The following FNIP1 variants were observed in gnomAD, a reference collection of about 807,000 sequenced individuals.
FNIP1 encodes folliculin interacting protein 1, also known as folliculin-interacting protein 1.
FNIP1 carries 40 observed loss-of-function variants against 124.5 expected under a neutral mutation model. That is an observed-to-expected ratio of 0.32 (90% CI 0.25 to 0.42). The LOEUF (loss-of-function observed/expected upper bound fraction) is 0.42. Among genes scored for constraint, FNIP1 ranks in the 10% least tolerant of loss-of-function variants. FNIP1 has a pLI of 1.00. For missense variants in FNIP1, 1,176 were observed against 1,403.7 expected (o/e 0.84, Z 2.59); for synonymous variants, 472 against 470.6 (o/e 1.00, Z -0.04).
chr5:131,790,845 C>T (rs1443875857), intron 1 of FNIP1, among the ~76,000 whole-genome samples: 1 of 152,104 alleles, frequency 6.6e-6, no homozygotes, highest in Non-Finnish European at 1.5e-5. Flanking sequence ...GAACAGGGAG[C>T]AGTACAGCTT....
chr5:131,790,558 C>T (rs1369657325), intron 1 of FNIP1, among the ~76,000 whole-genome samples: 1 of 150,368 alleles, frequency 6.7e-6, no homozygotes, highest in Non-Finnish European at 1.5e-5. Context: ...CCATACACAA[C>T]CCCTTACGTG....
intron 1 of FNIP1, among the ~76,000 whole-genome samples, chr5:131,781,817 G>A (rs1040549344): frequency 6.6e-6 from 1 of 151,932 alleles, no homozygotes; most frequent in African/African-American, 2.4e-5. Flanking sequence ...TGACTTTCAA[G>A]TCTTACTAAT....
At chr5:131,755,420 T>TAAA (rs544194641) in intron 1 of FNIP1, among the ~76,000 whole-genome samples, 86 of 118,960 alleles carry the variant, frequency 7.2e-4, no homozygotes, top group Middle Eastern at 4.1e-3. Flanking sequence ...GACTCAATCT[T>TAAA]AAAAAAAAAA....
chr5:131,709,621 G>A (rs1025120642), intron 7 of FNIP1, among the ~76,000 whole-genome samples: 1 of 152,134 alleles, frequency 6.6e-6, no homozygotes, highest in Non-Finnish European at 1.5e-5. Flanking sequence ...GGACCAAGTG[G>A]TGGGTATATC....
intron 16 of FNIP1, among the ~76,000 whole-genome samples, chr5:131,651,587 CA>C (rs1452678262): frequency 6.6e-6 from 1 of 152,132 alleles, no homozygotes; most frequent in Non-Finnish European, 1.5e-5. Flanking sequence ...CCACTAATAC[CA>C]TCAGAGCACC....
intron 15 of FNIP1, 103 bp from the exon 16 acceptor site, chr5:131,652,102 A>G (rs1767056559): frequency 3.9e-6 from 4 of 1,030,754 alleles, no homozygotes; most frequent in African/African-American, 3.2e-5. Flanking sequence ...AGAAAAAAAA[A>G]TTAAACTTCA....
At chr5:131,716,213 G>T (rs1022089014) in intron 6 of FNIP1, among the ~76,000 whole-genome samples, 1 of 152,230 alleles carries the variant, frequency 6.6e-6, no homozygotes, top group African/African-American at 2.4e-5. Context: ...GGAAGAAGGT[G>T]TAATAGTCTT....
chr5:131,697,966 C>A (rs1768760661), intron 11 of FNIP1, among the ~76,000 whole-genome samples: 1 of 101,992 alleles, frequency 9.8e-6, no homozygotes, highest in Non-Finnish European at 1.8e-5. Flanking sequence ...AAGACTCCAC[C>A]TCAAAAAAAA....
chr5:131,719,079 A>G lies in FNIP1; in HGVS notation c.456-19T>C. The G allele has an allele frequency of 6.2e-7, 1 of 1,610,024 alleles. No homozygotes were observed. The highest frequency in any genetic ancestry group is 8.5e-7 in the Non-Finnish European group (1 of 1,176,608). On this transcript the variant is annotated intron_variant, in intron 4 of 17. Transcript: ENST00000510461. The stretch of plus-strand genomic sequence containing the variant: ...AGGGGAACTATGAAGAAAAAGAGAA[A>G]GAGAGAGACCAAAACTAAAATATAA...
chr5:131,662,093 C>G (rs1263773510), intron 15 of FNIP1, among the ~76,000 whole-genome samples: 2 of 152,166 alleles, frequency 1.3e-5, no homozygotes, highest in African/African-American at 4.8e-5. Flanking sequence ...TGTCAGGCAC[C>G]CAATCCGAAA....
In FNIP1 at chr5:131,647,416, CT is replaced by C. The variant is rs10625130; in HGVS notation, c.3307-212del. Among the ~76,000 whole-genome samples, 457 of 146,976 alleles carry C rather than the reference CT, an allele frequency of 3.1e-3. 2 individuals are homozygous for C. Among genetic ancestry groups the C allele is most frequent in the Admixed American group, 5.6e-3 (83 of 14,850 alleles). On this transcript the variant is annotated intron_variant, in intron 16 of 17. Coordinates refer to ENST00000510461, the MANE Select transcript of FNIP1 (RefSeq NM_133372.3). ...TATCAAAGATTAGCTTCTACAGCGT[CT>C]TTTTTTTTTTTTAACTGTGCAAAAA...
chr5:131,712,854 TC>T (rs552028534), intron 6 of FNIP1, among the ~76,000 whole-genome samples: 166 of 152,306 alleles, frequency 1.1e-3, no homozygotes, highest in Admixed American at 2.0e-3. Context: ...CCCTGAGTCG[TC>T]CCATTCTGAT....
chr5:131,706,448 G>C lies in FNIP1; in HGVS notation c.877C>G (p.Gln293Glu). ...ACCCCATTTTCCAAACTTGTTGTTT[G>C]GCTGCGTCGCCAACGTCGCTGGTAG... Reference protein sequence around the residue: ...SSYQRRWRRSQTTSLENGVFP... With the variant: ...SSYQRRWRRSETTSLENGVFP... The change falls in exon 9 of 18, where the codon CAA becomes GAA. Residue 293 changes from glutamine to glutamate, a missense_variant. By Grantham distance (29) the Gln-to-Glu change is conservative (BLOSUM62 2). Transcript: ENST00000510461. The C allele has an allele frequency of 6.2e-7, 1 of 1,613,360 alleles. No homozygotes were observed. The highest frequency in any genetic ancestry group is 8.5e-7 in the Non-Finnish European group (1 of 1,179,598).
At chr5:131,684,713 T>C (rs1768212170) in intron 11 of FNIP1, among the ~76,000 whole-genome samples, 1 of 152,172 alleles carries the variant, frequency 6.6e-6, no homozygotes, top group Admixed American at 6.5e-5. Context: ...AAGATCAGTA[T>C]CCTGTTTGGA....
At chr5:131,707,967 T>G (rs593767) in intron 8 of FNIP1, among the ~76,000 whole-genome samples, 118,673 of 151,398 alleles carry the variant, frequency 0.78, 46,733 homozygotes, top group African/African-American at 0.83. Context: ...GAAGCAAAGT[T>G]TATTAAAAGA....
intron 1 of FNIP1, among the ~76,000 whole-genome samples, chr5:131,764,775 T>C (rs867399582): frequency 6.6e-6 from 1 of 152,132 alleles, no homozygotes; most frequent in Non-Finnish European, 1.5e-5. Context: ...CTCAATATTT[T>C]TGTAGAATCG....
intron 15 of FNIP1, among the ~76,000 whole-genome samples, chr5:131,658,294 C>T (rs1204149311): frequency 6.6e-6 from 1 of 152,148 alleles, no homozygotes; most frequent in Non-Finnish European, 1.5e-5. Flanking sequence ...GATACTGAAA[C>T]CGCCTTTGCA....
At chr5:131,737,030 TATTTATAA>T (rs1374081180) in intron 2 of FNIP1, among the ~76,000 whole-genome samples, 2 of 152,238 alleles carry the variant, frequency 1.3e-5, no homozygotes, top group Non-Finnish European at 2.9e-5. Context: ...TTTTCAGTAA[TATTTATAA>T]CTTTTTTTGC....
At chr5:131,794,669 A>G in intron 1 of FNIP1, among the ~76,000 whole-genome samples, 1 of 152,324 alleles carries the variant, frequency 6.6e-6, no homozygotes, top group African/African-American at 2.4e-5. Context: ...GTGGTGGCTC[A>G]TCCCTGTAAG....
Sources: allele counts gnomAD v4.1 joint callset (sites outside exome capture counted in the v4.1 genomes callset), GRCh38; gene constraint gnomAD v4.1.1; transcripts MANE v1.5; gene names NCBI Gene and HGNC (gene_info 2026-07-23, HGNC 2026-07-21).